The following RAG1 variants were observed in gnomAD, a reference collection of about 807,000 sequenced individuals.
RAG1 encodes V(D)J recombination-activating protein 1.
In RAG1, 35 loss-of-function variants were observed where a neutral mutation model predicts 62.7. The ratio of observed to expected loss-of-function variants is 0.56; its 90% CI spans 0.43 to 0.74. The LOEUF is 0.74. Ranked by LOEUF, RAG1 falls within the 30% of genes least tolerant of loss-of-function variation. The probability of loss-of-function intolerance (pLI) is 0.00; values close to 1 mark genes in which losing one functional copy is unlikely to be tolerated. For missense variants in RAG1, 1,169 were observed against 1,278.6 expected (o/e 0.91, Z 1.31); for synonymous variants, 461 against 470.3 (o/e 0.98, Z 0.26).
At chr11:36,567,628 T>C (rs2133286712), upstream of RAG1, among the ~76,000 whole-genome samples, 1 of 152,354 alleles carries the variant, frequency 6.6e-6, no homozygotes, top group Non-Finnish European at 1.5e-5. Context: ...TTTCAAGTAT[T>C]TTCCTATAAT....
intron 3 of RAG1, among the ~76,000 whole-genome samples, chr11:36,550,770 T>G (rs1850469830): frequency 6.6e-6 from 1 of 152,104 alleles, no homozygotes. Flanking sequence ...ATGATGGACT[T>G]TGGCAGCTCC....
intron 2 of RAG1, among the ~76,000 whole-genome samples, chr11:36,529,909 A>G (rs1860227301): frequency 6.6e-6 from 1 of 151,536 alleles, no homozygotes; most frequent in Non-Finnish European, 1.5e-5. Context: ...TCGATTCCTT[A>G]TTAACTATTT....
At chr11:36,528,936 CTG>C (rs1860209227) in intron 2 of RAG1, among the ~76,000 whole-genome samples, 1 of 152,120 alleles carries the variant, frequency 6.6e-6, no homozygotes, top group Non-Finnish European at 1.5e-5. Context: ...CCTCCCAAGA[CTG>C]AACCAGGAGA....
intron 3 of RAG1, among the ~76,000 whole-genome samples, chr11:36,551,615 T>A (rs1850485116): frequency 6.6e-6 from 1 of 150,744 alleles, no homozygotes; most frequent in Non-Finnish European, 1.5e-5. Context: ...TTTTTTTTTT[T>A]TTTTATTATA....
rs1203092847 is a variant in RAG1, at chr11:36,574,641, A to T, written c.1337A>T (p.Asn446Ile). The T allele has an allele frequency of 6.2e-7, 1 of 1,614,220 alleles. No individual in the cohort carries two copies. Among genetic ancestry groups the T allele is most frequent in the Non-Finnish European group, 8.5e-7 (1 of 1,180,026 alleles). The change falls in exon 2 of 2, where the codon AAT (asparagine) becomes ATT (isoleucine). Residue 446 changes from asparagine (N) to isoleucine (I), a missense_variant. By Grantham distance (149) the Asn-to-Ile change is moderately radical (BLOSUM62 -3). Around this residue, in one of 2 missense-constraint regions of RAG1, gnomAD observed 800 missense variants for 943.3 expected, o/e 0.85. Transcript: ENST00000299440. ...TLFLLALRAR[N>I]EHRQADELEA... ...TTCCTGCTGGCTCTGAGGGCGAGGA[A>T]TGAGCACAGGCAAGCTGATGAGCTG...
rs1373064394 is a variant in RAG1, at chr11:36,548,139, C to A, written c.-412+12105C>A. Among the ~76,000 whole-genome samples the A allele has an allele frequency of 2.0e-5, 3 of 152,114 alleles. No homozygotes were observed. In the East Asian group the frequency reaches 5.8e-4, roughly 29 times the overall value. ...GGAATGTATCTCAAAGTAATAAGAG[C>A]TATTTATGACAAACTCAGAGCCAAT... On this transcript the variant is annotated intron_variant and NMD_transcript_variant, in intron 3 of 9. Transcript: ENST00000534663.
chr11:36,575,559 G>A lies in RAG1; in HGVS notation c.2255G>A (p.Ser752Asn). Residue 752 changes from serine (S) to asparagine (N), a missense_variant, in exon 2 of 2, where the codon AGC becomes AAC. Physicochemically the swap from Ser to Asn is conservative, Grantham distance 46 (BLOSUM62 1). Coordinates refer to ENST00000299440, the MANE Select transcript of RAG1 (RefSeq NM_000448.3). The surrounding 1 kb of genome is among the most constrained non-coding windows in gnomAD (Gnocchi z 4.1). ...QNLVFHSITRSHAENLERYEV... is the reference protein window; with the variant it reads ...QNLVFHSITRNHAENLERYEV... The stretch of plus-strand genomic sequence containing the variant: ...CTTGTCTTCCACTCTATAACCAGAA[G>A]CCATGCTGAGAACCTGGAACGTTAT... The A allele has an allele frequency of 1.2e-6, 2 of 1,614,186 alleles. No homozygotes were observed. Among genetic ancestry groups the A allele is most frequent in the Non-Finnish European group, 1.7e-6 (2 of 1,180,038 alleles).
Position 36,517,574 on chromosome 11 carries a change from G to A in RAG1, n.331-2558G>A, listed in dbSNP as rs188667754. Among the ~76,000 whole-genome samples, 138 of 152,170 alleles carry A rather than the reference G, an allele frequency of 9.1e-4. 1 individual carries two copies. Among genetic ancestry groups the A allele is most frequent in the African/African-American group, 3.0e-3 (125 of 41,512 alleles). ...TTTATTAATGCTATCATACCTTTTC[G>A]TTTTCTGTCACATATAGTAGGACAC... On this transcript the variant is annotated intron_variant and non_coding_transcript_variant, in intron 1 of 2. Transcript: ENST00000529126.
At chr11:36,525,783 A>G (rs550785769) in intron 2 of RAG1, among the ~76,000 whole-genome samples, 2 of 152,202 alleles carry the variant, frequency 1.3e-5, no homozygotes, top group Admixed American at 1.3e-4. Context: ...CACTTTTTAA[A>G]TTCTAGGAGG....
chr11:36,528,395 T>TG (rs34947343), intron 2 of RAG1, among the ~76,000 whole-genome samples: 1 of 152,142 alleles, frequency 6.6e-6, no homozygotes. Flanking sequence ...GAATGACTAC[T>TG]GGGTACGTAA....
At chr11:36,550,776 G>A (rs945168378) in intron 3 of RAG1, among the ~76,000 whole-genome samples, 2 of 152,130 alleles carry the variant, frequency 1.3e-5, no homozygotes, top group African/African-American at 4.8e-5. Flanking sequence ...GACTTTGGCA[G>A]CTCCAAGCAT....
At chr11:36,523,195 C>T (rs1162072799) in intron 2 of RAG1, among the ~76,000 whole-genome samples, 1 of 152,162 alleles carries the variant, frequency 6.6e-6, no homozygotes, top group Non-Finnish European at 1.5e-5. Context: ...TCACCCAAAC[C>T]TCATCTTGTA....
intron 1 of RAG1, among the ~76,000 whole-genome samples, chr11:36,571,295 C>T (rs1850739516): frequency 6.6e-6 from 1 of 152,068 alleles, no homozygotes; most frequent in South Asian, 2.1e-4. Flanking sequence ...TACCAGAGAG[C>T]AAGTGCTTTA....
chr11:36,537,368 G>A (rs898597469), downstream of RAG1, among the ~76,000 whole-genome samples: 1 of 152,112 alleles, frequency 6.6e-6, no homozygotes, highest in Non-Finnish European at 1.5e-5. Flanking sequence ...CATATTTAGG[G>A]TCTTGATTGT....
chr11:36,538,299 G>A (rs982226810), downstream of RAG1, among the ~76,000 whole-genome samples: 1 of 151,962 alleles, frequency 6.6e-6, no homozygotes, highest in Non-Finnish European at 1.5e-5. Context: ...CACCATTCAG[G>A]GTGCCATCCA....
At chr11:36,535,194 A>G (rs1438873997) in intron 2 of RAG1, among the ~76,000 whole-genome samples, 1 of 152,028 alleles carries the variant, frequency 6.6e-6, no homozygotes. Flanking sequence ...TTCAAGTTCA[A>G]CAATTCCATG....
At chr11:36,557,988 C>T (rs989471502) in intron 3 of RAG1, among the ~76,000 whole-genome samples, 1 of 152,124 alleles carries the variant, frequency 6.6e-6, no homozygotes, top group Non-Finnish European at 1.5e-5. Context: ...CCATGTAACA[C>T]TTAATGTTTA....
In RAG1 at chr11:36,573,928, A is replaced by C. The variant is rs1014068768; in HGVS notation, c.624A>C (p.Thr208=). ...RNVTMEWHPH[T]PSCDICNTAR... ...TGACCATGGAGTGGCACCCCCACAC[A>C]CCATCCTGTGACATCTGCAACACTG... Residue 208 remains threonine, a synonymous_variant, in exon 2 of 2, where the codon ACA becomes ACC. Transcript: ENST00000299440. 2.5e-6 allele frequency: 4 copies of C among 1,613,934 alleles called. No individual in the cohort carries two copies. The African/African-American group carries it at 5.3e-5, about 22-fold the overall frequency.
intron 3 of RAG1, among the ~76,000 whole-genome samples, chr11:36,545,404 C>A (rs1796884512): frequency 6.6e-6 from 1 of 151,948 alleles, no homozygotes; most frequent in Non-Finnish European, 1.5e-5. Flanking sequence ...GAAAGAGACA[C>A]CAAGAAAGTG....
Sources: gnomAD v4.1 joint callset for allele counts (sites outside exome capture counted in the v4.1 genomes callset) on GRCh38, gnomAD v4.1.1 for gene constraint, gnomAD v4.1.1 regional missense constraint, Gnocchi (gnomAD v3.1) non-coding constraint, MANE v1.5 for transcripts, NCBI Gene and HGNC (gene_info 2026-07-23, HGNC 2026-07-21) for gene names.